PIAS1: variants seen among roughly 807,000 people sequenced by gnomAD.
PIAS1 encodes the protein E3 SUMO-protein ligase PIAS1.
PIAS1 carries 6 observed loss-of-function variants against 71.3 expected under a neutral mutation model. The observed-to-expected ratio is 0.08, with a 90% CI of 0.05 to 0.17. PIAS1 has a LOEUF of 0.17. PIAS1 is among the 10% of genes least tolerant of loss of function. The probability of loss-of-function intolerance (pLI) is 1.00; values close to 1 mark genes in which losing one functional copy is unlikely to be tolerated. For missense variants in PIAS1, 555 were observed against 793.6 expected (o/e 0.70, Z 3.61); for synonymous variants, 303 against 292.9 (o/e 1.03, Z -0.35).
chr15:68,152,170 C>T (rs1370341085), intron 6 of PIAS1, among the ~76,000 whole-genome samples: 6 of 151,688 alleles, frequency 4.0e-5, no homozygotes, highest in Non-Finnish European at 7.4e-5. Context: ...AGGATGGTCC[C>T]GATCTCCTGA....
intron 2 of PIAS1, among the ~76,000 whole-genome samples, chr15:68,110,010 A>G (rs781374292): frequency 6.6e-6 from 1 of 152,184 alleles, no homozygotes; most frequent in Non-Finnish European, 1.5e-5. Context: ...AATTTTTAAT[A>G]TGGTAATGTA....
At chr15:68,179,922 C>G (rs1208362327) in intron 11 of PIAS1, among the ~76,000 whole-genome samples, 3 of 151,818 alleles carry the variant, frequency 2.0e-5, no homozygotes, top group Non-Finnish European at 2.9e-5. Flanking sequence ...TCCCCATGCC[C>G]CAGGTACTTT....
intron 2 of PIAS1, among the ~76,000 whole-genome samples, chr15:68,127,872 C>A (rs572549494): frequency 6.6e-5 from 10 of 152,294 alleles, no homozygotes; most frequent in African/African-American, 2.2e-4. Context: ...AAGCAATTCT[C>A]CTGCTTCAGC....
chr15:68,094,480 G>A (rs943058394), intron 2 of PIAS1, among the ~76,000 whole-genome samples: 2 of 152,102 alleles, frequency 1.3e-5, no homozygotes, highest in African/African-American at 4.8e-5. Context: ...TTTGTGCAGT[G>A]TGGGTAAGGT....
At chr15:68,175,529 C>A in intron 9 of PIAS1, 108 bp from the exon 10 acceptor site, 1 of 408,086 alleles carries the variant, frequency 2.5e-6, no homozygotes, top group Non-Finnish European at 4.1e-6. Flanking sequence ...ATAAATTAGG[C>A]AGCTATATTC....
chr15:68,133,374 C>T (rs1228146084), intron 2 of PIAS1, among the ~76,000 whole-genome samples: 1 of 151,722 alleles, frequency 6.6e-6, no homozygotes, highest in Non-Finnish European at 1.5e-5. Context: ...TAATTCTATT[C>T]AAAATACTAT....
chr15:68,106,027 C>A (rs2141003935), intron 2 of PIAS1, among the ~76,000 whole-genome samples: 1 of 152,200 alleles, frequency 6.6e-6, no homozygotes, highest in African/African-American at 2.4e-5. Context: ...CATTTCAGTT[C>A]TTCAACTGAG....
chr15:68,158,638 G>A (rs2092906214), intron 7 of PIAS1, among the ~76,000 whole-genome samples: 1 of 152,070 alleles, frequency 6.6e-6, no homozygotes, highest in Non-Finnish European at 1.5e-5. Flanking sequence ...TATTTTTGAA[G>A]TAAACTGATG....
At chr15:68,183,418 C>T (rs983318748) in intron 12 of PIAS1, among the ~76,000 whole-genome samples, 10 of 152,128 alleles carry the variant, frequency 6.6e-5, no homozygotes, top group Admixed American at 2.6e-4. Context: ...AATGGGGTCA[C>T]GGAGAAGACA....
At chr15:68,137,566 T>C (rs1288927419) in intron 2 of PIAS1, among the ~76,000 whole-genome samples, 2 of 152,006 alleles carry the variant, frequency 1.3e-5, no homozygotes, top group Non-Finnish European at 2.9e-5. Flanking sequence ...TCAAGAGAGC[T>C]AATAAACCTA....
intron 3 of PIAS1, 97 bp from the exon 4 acceptor site, chr15:68,142,193 A>G: frequency 1.8e-6 from 2 of 1,092,046 alleles, no homozygotes; most frequent in Non-Finnish European, 1.4e-6. Context: ...TATATTTATG[A>G]TAATTTGAAA....
chr15:68,092,416 G>T (rs146993387), intron 2 of PIAS1, among the ~76,000 whole-genome samples: 1 of 152,040 alleles, frequency 6.6e-6, no homozygotes, highest in Non-Finnish European at 1.5e-5. Flanking sequence ...AAAGCAGTCC[G>T]CTCACCTCAG....
At chr15:68,055,748 A>C in intron 1 of PIAS1, 2 of 524,118 alleles carry the variant, frequency 3.8e-6, no homozygotes, top group Non-Finnish European at 6.7e-6. Flanking sequence ...TTTTATAATA[A>C]ATAAAAATTA....
rs191023047 is a variant in PIAS1 at position 68,186,843 on chromosome 15, C to G, written c.1663-699C>G. ...GTAGCCTGGGAGCAGTAGGCCAGAC[C>G]ACACAGCCTAGGTGTGTAGCAGGCT... On this transcript the variant is annotated intron_variant, in intron 13 of 13. Coordinates refer to ENST00000249636, the MANE Select transcript of PIAS1 (RefSeq NM_016166.3). This position sits in a 1 kb window ranked among gnomAD's most constrained non-coding sequence, Gnocchi z 4.4. Among the ~76,000 whole-genome samples the G allele has an allele frequency of 4.7e-3, 715 of 152,352 alleles. 3 individuals carry two copies. Among genetic ancestry groups the G allele is most frequent in the Middle Eastern group, 0.01 (3 of 294 alleles).
At chr15:68,109,377 C>T (rs925257671) in intron 2 of PIAS1, among the ~76,000 whole-genome samples, 1 of 152,128 alleles carries the variant, frequency 6.6e-6, no homozygotes, top group African/African-American at 2.4e-5. Context: ...CTTCTCATTA[C>T]AGTGTAAATG....
At chr15:68,132,485 A>AT (rs2092695201) in intron 2 of PIAS1, among the ~76,000 whole-genome samples, 2 of 152,014 alleles carry the variant, frequency 1.3e-5, no homozygotes, top group Non-Finnish European at 1.5e-5. Context: ...TAAAAAAAAA[A>AT]GGAAACTACA....
chr15:68,060,840 C>A (rs1597112273), intron 1 of PIAS1, among the ~76,000 whole-genome samples: 1 of 152,166 alleles, frequency 6.6e-6, no homozygotes, highest in Non-Finnish European at 1.5e-5. Flanking sequence ...TGCGCCACTG[C>A]GCCCAGCTAA....
intron 1 of PIAS1, among the ~76,000 whole-genome samples, chr15:68,067,388 C>T (rs960306247): frequency 6.6e-6 from 1 of 152,114 alleles, no homozygotes; most frequent in African/African-American, 2.4e-5. Flanking sequence ...CACTGCATTG[C>T]CTGCTTTTCA....
intron 9 of PIAS1, 86 bp from the exon 10 acceptor site, chr15:68,175,551 T>G: frequency 1.0e-5 from 6 of 595,416 alleles, no homozygotes. Flanking sequence ...TAGTTAGTAC[T>G]AGATTTTAAG....
Sources: gnomAD v4.1 joint callset for allele counts (sites outside exome capture counted in the v4.1 genomes callset) on GRCh38, gnomAD v4.1.1 for gene constraint, Gnocchi (gnomAD v3.1) non-coding constraint, MANE v1.5 for transcripts, NCBI Gene and HGNC (gene_info 2026-07-23, HGNC 2026-07-21) for gene names.